The following PDE6H variants were observed in gnomAD, a reference collection of about 807,000 sequenced individuals.
PDE6H encodes the protein phosphodiesterase 6H.
PDE6H carries 11 observed loss-of-function variants against 9.2 expected under a neutral mutation model. That is an observed-to-expected ratio of 1.19 (90% confidence interval 0.75 to 1.97). The LOEUF (loss-of-function observed/expected upper bound fraction) is 1.97. PDE6H is among the 30% of genes most tolerant of loss of function. PDE6H has a pLI of 0.00. For synonymous variants in PDE6H, 36 were observed against 33.6 expected, an observed-to-expected ratio of 1.07 and a Z score of -0.25; for missense variants, 98 against 101.5, an observed-to-expected ratio of 0.97 and a Z score of 0.15.
chr12:14,974,201 C>T (rs1217643569), intron 1 of PDE6H, among the ~76,000 whole-genome samples: 2 of 152,134 alleles, frequency 1.3e-5, no homozygotes, highest in Non-Finnish European at 1.5e-5. Flanking sequence ...TCTGATAATA[C>T]ATTTAAGGTT....
Position 14,981,830 on chromosome 12 carries a change from C to T in PDE6H, c.*354C>T, listed in dbSNP as rs924862505. On this transcript the variant is annotated 3_prime_UTR_variant, in exon 4 of 4. Transcript: ENST00000266395. ...AGACAACATTTATGTCACTCCCCAC[C>T]TCCTCATATTTAATAAAGGAGATAT... 2.8e-6 allele frequency: 1 copy of T among 354,712 alleles called. No individual in the cohort carries two copies. Among genetic ancestry groups the T allele is most frequent in the Non-Finnish European group, 5.3e-6 (1 of 187,782 alleles). The allele number at this position is 354,712 out of a possible 1,614,324, so 22.0% of individuals were successfully genotyped here.
At chr12:14,977,873 G>T in intron 1 of PDE6H, 99 bp from the exon 2 acceptor site, 1 of 778,280 alleles carries the variant, frequency 1.3e-6, no homozygotes, top group Non-Finnish European at 2.1e-6. Flanking sequence ...GAGCTTTCTT[G>T]TTGAAGTACT....
chr12:14,981,351 C>T, intron 3 of PDE6H, 49 bp from the exon 4 acceptor site: 1 of 1,121,222 alleles, frequency 8.9e-7, no homozygotes. Context: ...TGTGAAGAAG[C>T]TCTCTTGGGG....
At chr12:14,975,983 G>T (rs905712021) in intron 1 of PDE6H, among the ~76,000 whole-genome samples, 3 of 151,960 alleles carry the variant, frequency 2.0e-5, no homozygotes, top group Middle Eastern at 3.4e-3. Context: ...ACCACACCTG[G>T]CTAATCTTTT....
At chr12:14,978,229 C>A in intron 2 of PDE6H, 83 bp downstream of exon 2, 1 of 1,257,226 alleles carries the variant, frequency 8.0e-7, no homozygotes, top group Non-Finnish European at 1.1e-6. Context: ...TTGGTGCTCA[C>A]AATATTAAAC....
In PDE6H at chr12:14,981,444, T is replaced by C. The variant is rs1255018502; in HGVS notation, c.220T>C (p.Leu74=). 2.5e-6 allele frequency: 4 copies of C among 1,613,440 alleles called. No homozygotes were observed. The highest frequency in any genetic ancestry group is 3.4e-6 in the Non-Finnish European group (4 of 1,179,328). Reference sequence around the variant, plus strand: ...ATGGGAGGCATTCAGCCACCTGGAATTGCATGAGCTCGCTCAGTTTGGGAT... The same window carrying C: ...ATGGGAGGCATTCAGCCACCTGGAACTGCATGAGCTCGCTCAGTTTGGGAT... ...CPWEAFSHLE[L]HELAQFGII The change falls in exon 4 of 4, where the codon TTG becomes CTG. Residue 74 remains leucine, a synonymous_variant. Transcript: ENST00000266395.
chr12:14,978,044 C>G lies in PDE6H; in HGVS notation c.32C>G (p.Ala11Gly), dbSNP rs1363445788. The G allele has an allele frequency of 6.2e-7, 1 of 1,613,640 alleles. No individual in the cohort carries two copies. The highest frequency in any genetic ancestry group is 1.7e-5 in the Admixed American group (1 of 60,024). Residue 11 changes from alanine to glycine, a missense_variant, in exon 2 of 4, where the codon GCT becomes GGT. Physicochemically the swap from Ala to Gly is moderately conservative, Grantham distance 60. Transcript: ENST00000266395. ...GACAACACTACTCTGCCTGCTCCAG[C>G]TTCAAACCAGGGTCCTACCACCCCA... Reference protein sequence around the residue: MSDNTTLPAPASNQGPTTPRK... With the variant: MSDNTTLPAPGSNQGPTTPRK...
intron 1 of PDE6H, among the ~76,000 whole-genome samples, chr12:14,974,410 C>T (rs1425513454): frequency 3.9e-5 from 6 of 152,136 alleles, no homozygotes; most frequent in East Asian, 1.9e-4. Context: ...TCGACTGTTC[C>T]GGTTACCTAG....
chr12:14,975,368 AT>A (rs11314271), intron 1 of PDE6H, among the ~76,000 whole-genome samples: 80,204 of 149,054 alleles, frequency 0.54, 21,889 homozygotes, highest in African/African-American at 0.65. Context: ...GTGTCTTGTA[AT>A]TTTTTTTTTT....
chr12:14,981,757 T>C lies in PDE6H; in HGVS notation c.*281T>C. 6 of 521,788 alleles carry C rather than the reference T, an allele frequency of 1.1e-5. No homozygotes were observed. The highest frequency in any genetic ancestry group is 1.1e-4 in the South Asian group (5 of 46,576). The allele number at this position is 521,788 out of a possible 1,614,324, so 32.3% of individuals were successfully genotyped here. On this transcript the variant is annotated 3_prime_UTR_variant, in exon 4 of 4. Coordinates refer to ENST00000266395, the MANE Select transcript of PDE6H (RefSeq NM_006205.3). ...ACATTTTGTTTATCTGTAAGTCCTT[T>C]AAATCTATTTTTGCTAGGCATTCAT...
intron 3 of PDE6H, among the ~76,000 whole-genome samples, chr12:14,980,129 G>A (rs1027431704): frequency 1.3e-4 from 20 of 152,040 alleles, no homozygotes; most frequent in Admixed American, 1.3e-4. Flanking sequence ...TGCTCCACCC[G>A]GTCATCCTTC....
intron 1 of PDE6H, among the ~76,000 whole-genome samples, chr12:14,973,630 A>C (rs570437879): frequency 6.6e-6 from 1 of 151,484 alleles, no homozygotes; most frequent in Non-Finnish European, 1.5e-5. Flanking sequence ...TTTTTTTTTT[A>C]TGGCTTTGGT....
At chr12:14,973,889 A>C (rs1864553731) in intron 1 of PDE6H, among the ~76,000 whole-genome samples, 1 of 152,208 alleles carries the variant, frequency 6.6e-6, no homozygotes, top group South Asian at 2.1e-4. Flanking sequence ...TTTTCAGAGG[A>C]TCATCCTCTG....
At chr12:14,980,778 C>T (rs903233126) in intron 3 of PDE6H, among the ~76,000 whole-genome samples, 2 of 152,216 alleles carry the variant, frequency 1.3e-5, no homozygotes, top group African/African-American at 4.8e-5. Flanking sequence ...GCTCTAGTCT[C>T]AGCTCTACAA....
chr12:14,973,068 A>G lies in PDE6H; in HGVS notation c.-60A>G, dbSNP rs576905997. 6.6e-6 allele frequency: 1 copy of G among 152,348 alleles called. No homozygotes were observed. Among genetic ancestry groups the G allele is most frequent in the South Asian group, 2.1e-4 (1 of 4,822 alleles). 9.4% of individuals were successfully genotyped at this position (152,348 alleles called of 1,614,324 possible). A position where few individuals can be genotyped will look rare whatever the true frequency, so the allele number is the denominator to read the frequency against. ...CAAAGAAGGCAGCTGGGCAGCTGAT[A>G]GGAACAACATTCAGCTCCGTGAGTA... On this transcript the variant is annotated 5_prime_UTR_variant, in exon 1 of 4. It adds an upstream start codon to the 5' untranslated region. Transcript: ENST00000266395.
chr12:14,975,587 A>G (rs924782805), intron 1 of PDE6H, among the ~76,000 whole-genome samples: 2 of 152,068 alleles, frequency 1.3e-5, no homozygotes, highest in African/African-American at 2.4e-5. Flanking sequence ...TTGGCTGCTC[A>G]CCAGCTATTC....
chr12:14,976,266 A>C (rs1406218936), intron 1 of PDE6H, among the ~76,000 whole-genome samples: 1 of 152,226 alleles, frequency 6.6e-6, no homozygotes, highest in Non-Finnish European at 1.5e-5. Flanking sequence ...GGAAGGAATC[A>C]CAGCATGAGC....
At position 14,981,430 on chromosome 12, in the gene PDE6H, T is replaced by G; in HGVS notation, c.206T>G (p.Phe69Cys). ...ACAGTGATTTGTCCATGGGAGGCATTCAGCCACCTGGAATTGCATGAGCTC... is the reference window on the plus strand; with the variant it reads ...ACAGTGATTTGTCCATGGGAGGCATGCAGCCACCTGGAATTGCATGAGCTC... ...DITVICPWEA[F>C]SHLELHELAQ... Residue 69 changes from phenylalanine to cysteine, a missense_variant, in exon 4 of 4, where the codon TTC becomes TGC. By Grantham distance (205) the Phe-to-Cys change is radical. Coordinates refer to ENST00000266395, the MANE Select transcript of PDE6H (RefSeq NM_006205.3). 2 of 1,613,624 alleles carry G rather than the reference T, an allele frequency of 1.2e-6. No homozygotes were observed. The highest frequency in any genetic ancestry group is 1.7e-6 in the Non-Finnish European group (2 of 1,179,474).
At position 14,978,245 on chromosome 12, in the gene PDE6H, T is replaced by TA. The variant is rs147990550; in HGVS notation, c.134+100dup. ...TGGTGCTCACAATATTAAACAGACT[T>TA]ACAAAAATTTCCACTCCATCCTCTC... is the stretch of plus-strand genomic sequence containing the variant. On this transcript the variant is annotated intron_variant, in intron 2 of 3. Coordinates refer to ENST00000266395, the MANE Select transcript of PDE6H (RefSeq NM_006205.3). 8.5e-4 allele frequency: 938 copies of TA among 1,105,168 alleles called. 6 individuals are homozygous for TA. In the African/African-American group the frequency reaches 0.012, roughly 15 times the overall value. The allele number at this position is 1,105,168 out of a possible 1,614,324, so 68.5% of individuals were successfully genotyped here. A position where few individuals can be genotyped will look rare whatever the true frequency, so the allele number is the denominator to read the frequency against.
Sources: allele counts gnomAD v4.1 joint callset (sites outside exome capture counted in the v4.1 genomes callset), GRCh38; gene constraint gnomAD v4.1.1; transcripts MANE v1.5; gene names NCBI Gene and HGNC (gene_info 2026-07-23, HGNC 2026-07-21).